The following SURF2 variants were observed in gnomAD, a reference collection of about 807,000 sequenced individuals.
SURF2 encodes the protein surfeit locus protein 2.
In SURF2, 32 loss-of-function variants were observed where a neutral mutation model predicts 26.2. That is an observed-to-expected ratio of 1.22 (90% CI 0.92 to 1.64). The LOEUF is 1.64. Ranked by LOEUF, SURF2 falls within the 40% of genes most tolerant of loss-of-function variation. SURF2 has a pLI of 0.00. For missense variants in SURF2, 415 were observed against 341.6 expected (o/e 1.21, Z -1.69); for synonymous variants, 173 against 139.1 (o/e 1.24, Z -1.71).
Position 133,357,802 on chromosome 9 carries a change from G to T in SURF2, c.325G>T (p.Ala109Ser). The T allele has an allele frequency of 7.4e-6, 12 of 1,613,478 alleles. No individual in the cohort carries two copies. Among genetic ancestry groups the T allele is most frequent in the Non-Finnish European group, 1.0e-5 (12 of 1,180,000 alleles). The change falls in exon 3 of 6, where the codon GCT becomes TCT. Residue 109 changes from alanine to serine, a missense_variant. Coordinates refer to ENST00000371964, the MANE Select transcript of SURF2 (RefSeq NM_017503.5). Reference protein sequence around the residue: ...RHTQGRRYQRALCKYEECQKQ... With the variant: ...RHTQGRRYQRSLCKYEECQKQ... ...CACCCAGGGCCGGCGGTACCAGCGA[G>T]CTCTGTGTAAATGTAAGTCCCAGTG...
chr9:133,358,640 A>G (rs1038606209), intron 3 of SURF2, among the ~76,000 whole-genome samples: 1 of 152,116 alleles, frequency 6.6e-6, no homozygotes, highest in African/African-American at 2.4e-5. Flanking sequence ...ACTGAAGGGA[A>G]GATGAGGACA....
At chr9:133,358,055 G>T (rs1836657081) in intron 3 of SURF2, among the ~76,000 whole-genome samples, 1 of 152,194 alleles carries the variant, frequency 6.6e-6, no homozygotes, top group African/African-American at 2.4e-5. Context: ...TGCGAGGTGT[G>T]AAAGAAACTG....
rs2130048911 is a variant in SURF2, at chr9:133,360,218, G to T, written c.518-47G>T. ...CTGCCTCCCCTGCAAAGGTGGCAGCGAACTCAGCCTAAAATAACTGTCAGC... is the reference window on the plus strand; with the variant it reads ...CTGCCTCCCCTGCAAAGGTGGCAGCTAACTCAGCCTAAAATAACTGTCAGC... On this transcript the variant is annotated intron_variant, in intron 4 of 5. Transcript: ENST00000371964. 20 of 1,601,452 alleles carry T rather than the reference G, an allele frequency of 1.2e-5. No homozygotes were observed. In the African/African-American group the frequency reaches 1.5e-4, roughly 12 times the overall value.
rs2130036590 is a variant in SURF2, at chr9:133,357,787, C to T, written c.310C>T (p.Arg104Trp). 1.2e-6 allele frequency: 2 copies of T among 1,613,552 alleles called. No homozygotes were observed. The highest frequency in any genetic ancestry group is 1.3e-5 in the African/African-American group (1 of 74,938). ...PEHVLRHTQG[R>W]RYQRALCKYE... is the part of the protein sequence containing the mutation. ...ACACGTGCTGAGGCACACCCAGGGCCGGCGGTACCAGCGAGCTCTGTGTAA... is the reference window on the plus strand; with the variant it reads ...ACACGTGCTGAGGCACACCCAGGGCTGGCGGTACCAGCGAGCTCTGTGTAA... Residue 104 changes from arginine to tryptophan, a missense_variant, in exon 3 of 6, where the codon CGG (arginine) becomes TGG (tryptophan). By Grantham distance (101) the Arg-to-Trp change is moderately radical. Coordinates refer to ENST00000371964, the MANE Select transcript of SURF2 (RefSeq NM_017503.5).
chr9:133,357,901 G>C, intron 3 of SURF2, 87 bp downstream of exon 3: 1 of 1,302,650 alleles, frequency 7.7e-7, no homozygotes, highest in African/African-American at 1.5e-5. Flanking sequence ...AAGGCAGGTC[G>C]TCCTTCAGCG....
chr9:133,360,966 G>T (rs1458179978), intron 5 of SURF2, 90 bp from the exon 6 acceptor site: 1 of 1,355,788 alleles, frequency 7.4e-7, no homozygotes, highest in East Asian at 2.3e-5. Flanking sequence ...CACCTCTGAG[G>T]CTGTGTGGGT....
At chr9:133,356,817 G>T in intron 1 of SURF2, 97 bp from the exon 2 acceptor site, 2 of 1,443,840 alleles carry the variant, frequency 1.4e-6, no homozygotes, top group Non-Finnish European at 1.8e-6. Context: ...GGGCGCGGCG[G>T]GATCAGGGGA....
chr9:133,357,191 C>T, intron 2 of SURF2, 123 bp downstream of exon 2: 2 of 1,275,228 alleles, frequency 1.6e-6, no homozygotes, highest in Non-Finnish European at 2.1e-6. Flanking sequence ...AGGTGGGCGC[C>T]CGGGTGCTGG....
rs200941064 is a variant in SURF2 at position 133,360,149 on chromosome 9, C to A, written c.517+20C>A. 6.3e-7 allele frequency: 1 copy of A among 1,592,644 alleles called. No homozygotes were observed. The highest frequency in any genetic ancestry group is 2.2e-5 in the East Asian group (1 of 44,662). On this transcript the variant is annotated intron_variant, in intron 4 of 5. Coordinates refer to ENST00000371964, the MANE Select transcript of SURF2 (RefSeq NM_017503.5). The stretch of plus-strand genomic sequence containing the variant: ...ACCCACGTAAGCAGAACAGGCCCTG[C>A]TTCTCCCTGACCCTCTACTGTCAGC...
chr9:133,357,423 C>T (rs1455113227), intron 2 of SURF2, among the ~76,000 whole-genome samples: 1 of 152,168 alleles, frequency 6.6e-6, no homozygotes, highest in Non-Finnish European at 1.5e-5. Flanking sequence ...AGGATGTTTC[C>T]ATTCATTGAG....
chr9:133,356,586 G>C lies in SURF2; in HGVS notation c.-7G>C, dbSNP rs2130028302. ...TTCCGCCGGGCTGCTCCGCGGGCGC[G>C]TCGGCCATGAGCGAGTTGCCGGGCG... On this transcript the variant is annotated 5_prime_UTR_variant, in exon 1 of 6. Coordinates refer to ENST00000371964, the MANE Select transcript of SURF2 (RefSeq NM_017503.5). 6.6e-7 allele frequency: 1 copy of C among 1,518,156 alleles called. No individual in the cohort carries two copies. 94.0% of individuals were successfully genotyped at this position (1,518,156 alleles called of 1,614,324 possible).
chr9:133,357,776 A>ACGTG lies in SURF2; in HGVS notation c.300_301insGTGC (p.Thr101ValfsTer13). 6.2e-7 allele frequency: 1 copy of ACGTG among 1,613,756 alleles called. No individual in the cohort carries two copies. Among genetic ancestry groups the ACGTG allele is most frequent in the Non-Finnish European group, 8.5e-7 (1 of 1,180,030 alleles). ...AAGTGCCCAGAACACGTGCTGAGGC[A>ACGTG]CACCCAGGGCCGGCGGTACCAGCGA... On this transcript the variant is annotated frameshift_variant, in exon 3 of 6. Transcript: ENST00000371964. LOFTEE classifies it high-confidence loss of function.
intron 3 of SURF2, 117 bp downstream of exon 3, chr9:133,357,931 G>A: frequency 1.0e-6 from 1 of 990,922 alleles, no homozygotes; most frequent in Non-Finnish European, 1.5e-6. Flanking sequence ...GATGCATCAG[G>A]CCTGTTTTTT....
chr9:133,358,519 A>G (rs1023925010), intron 3 of SURF2, among the ~76,000 whole-genome samples: 1 of 152,104 alleles, frequency 6.6e-6, no homozygotes, highest in Non-Finnish European at 1.5e-5. Flanking sequence ...CCCGTGCTGG[A>G]TGAAGGAGAT....
intron 3 of SURF2, 141 bp downstream of exon 3, chr9:133,357,955 G>A: frequency 1.3e-6 from 1 of 775,148 alleles, no homozygotes; most frequent in Admixed American, 2.2e-5. Context: ...ACAGTGAAGA[G>A]AGGGATGATG....
At position 133,360,134 on chromosome 9, in the gene SURF2, G is replaced by A; in HGVS notation, c.517+5G>A. 6.2e-7 allele frequency: 1 copy of A among 1,601,188 alleles called. No homozygotes were observed. Among genetic ancestry groups the A allele is most frequent in the Non-Finnish European group, 8.5e-7 (1 of 1,171,958 alleles). ...GCATGACAGACCTGTACCCACGTAA[G>A]CAGAACAGGCCCTGCTTCTCCCTGA... is the stretch of plus-strand genomic sequence containing the variant. On this transcript the variant is annotated splice_donor_5th_base_variant and intron_variant, in intron 4 of 5. Coordinates refer to ENST00000371964, the MANE Select transcript of SURF2 (RefSeq NM_017503.5).
Position 133,359,933 on chromosome 9 carries a change from G to A in SURF2, c.338-17G>A. On this transcript the variant is annotated splice_polypyrimidine_tract_variant and intron_variant, in intron 3 of 5. Transcript: ENST00000371964. ...GGGGGTGTGGAGGTACCCAGCACGT[G>A]CTGGCTTATCTCCCAGATGAAGAAT... 6.3e-7 allele frequency: 1 copy of A among 1,597,280 alleles called. No individual in the cohort carries two copies.
chr9:133,359,620 G>A (rs2119095513), intron 3 of SURF2, among the ~76,000 whole-genome samples: 1 of 152,376 alleles, frequency 6.6e-6, no homozygotes, highest in South Asian at 2.1e-4. Flanking sequence ...CCTTTGAGAG[G>A]CCATGCCAAG....
intron 2 of SURF2, 31 bp from the exon 3 acceptor site, chr9:133,357,680 T>C: frequency 6.2e-7 from 1 of 1,604,256 alleles, no homozygotes; most frequent in Non-Finnish European, 8.5e-7. Flanking sequence ...CTGTGAACTG[T>C]CCCTACAAAT....
Sources: gnomAD v4.1 joint callset for allele counts (sites outside exome capture counted in the v4.1 genomes callset) on GRCh38, gnomAD v4.1.1 for gene constraint, MANE v1.5 for transcripts, NCBI Gene and HGNC (gene_info 2026-07-23, HGNC 2026-07-21) for gene names.